Variants in DPP6 observed in about 807,000 individuals in gnomAD.
DPP6 encodes dipeptidyl peptidase like 6.
A neutral mutation model predicts 122.6 loss-of-function variants in DPP6; 69 were observed. The ratio of observed to expected loss-of-function variants is 0.56; its 90% CI spans 0.46 to 0.69. The LOEUF is 0.69. Among genes scored for constraint, DPP6 ranks in the 30% least tolerant of loss-of-function variants. DPP6 has a pLI of 0.00. For missense variants in DPP6, 928 were observed against 1,116.9 expected, an observed-to-expected ratio of 0.83 and a Z score of 2.41; for synonymous variants, 418 against 433.1, an observed-to-expected ratio of 0.97 and a Z score of 0.43.
chr7:154,884,690 CAT>C (rs1348373088), intron 21 of DPP6: 5 of 70,020 alleles, frequency 7.1e-5, no homozygotes, highest in African/African-American at 3.2e-4. Flanking sequence ...CACAAGCACA[CAT>C]GATCACACAG....
At chr7:154,613,277 A>G (rs1279317054) in intron 5 of DPP6, among the ~76,000 whole-genome samples, 1 of 152,154 alleles carries the variant, frequency 6.6e-6, no homozygotes, top group African/African-American at 2.4e-5. Context: ...TGTTTATTGA[A>G]TAACCATAAA....
intron 1 of DPP6, among the ~76,000 whole-genome samples, chr7:154,437,382 T>A (rs976742510): frequency 2.0e-5 from 3 of 152,204 alleles, no homozygotes; most frequent in Non-Finnish European, 4.4e-5. Flanking sequence ...GAGCCCATCC[T>A]CTTTGAGACC....
chr7:154,317,384 A>G (rs1807526237), intron 1 of DPP6, among the ~76,000 whole-genome samples: 1 of 152,196 alleles, frequency 6.6e-6, no homozygotes, highest in Admixed American at 6.5e-5. Flanking sequence ...TTGGACAGAA[A>G]ATAAGATAGA....
intron 1 of DPP6, among the ~76,000 whole-genome samples, chr7:154,194,771 T>C (rs1472180117): frequency 6.6e-6 from 1 of 152,258 alleles, no homozygotes; most frequent in African/African-American, 2.4e-5. Flanking sequence ...CTCTCCTCTG[T>C]CTTCTTTGGT....
intron 8 of DPP6, among the ~76,000 whole-genome samples, chr7:154,761,293 C>G (rs557201355): frequency 6.6e-6 from 1 of 152,346 alleles, no homozygotes; most frequent in African/African-American, 2.4e-5. Flanking sequence ...CTTGCTCACT[C>G]ACGCGTCCAT....
rs371001735 is a variant in DPP6, at chr7:153,972,402, G to A, written c.51+84668G>A. 3.0e-3 allele frequency among the ~76,000 whole-genome samples: 442 copies of A among 149,796 alleles called. 1 individual carries two copies. The highest frequency in any genetic ancestry group is 0.014 in the East Asian group (71 of 5,074). ...CTGTGAAAGCTATGCTTGGGAAACT[G>A]ACGTGAACCTATTTGTGTGAAGCAT... On this transcript the variant is annotated intron_variant, in intron 1 of 25. Coordinates refer to the DPP6 transcript ENST00000404039.
intron 1 of DPP6, among the ~76,000 whole-genome samples, chr7:154,045,955 A>G (rs1800000036): frequency 6.6e-6 from 1 of 152,168 alleles, no homozygotes; most frequent in South Asian, 2.1e-4. Context: ...TGACCATGCC[A>G]TTTTTTCATG....
intron 3 of DPP6, among the ~76,000 whole-genome samples, chr7:154,476,158 G>A (rs1371487437): frequency 6.6e-6 from 1 of 152,144 alleles, no homozygotes; most frequent in Non-Finnish European, 1.5e-5. Context: ...CTCTATTGTG[G>A]CTTCAGTATT....
chr7:154,623,992 G>A (rs1164474639), intron 5 of DPP6, among the ~76,000 whole-genome samples: 3 of 152,132 alleles, frequency 2.0e-5, no homozygotes, highest in African/African-American at 4.8e-5. Flanking sequence ...TGAGGAATTC[G>A]AGACCAGCCT....
intron 21 of DPP6, among the ~76,000 whole-genome samples, chr7:154,883,334 TCACA>T (rs1192902738): frequency 2.0e-4 from 23 of 116,228 alleles, no homozygotes; most frequent in African/African-American, 3.8e-4. Flanking sequence ...ACACATGGTG[TCACA>T]CACACGCTCA....
chr7:153,791,587 A>G, the DPP6 span, among the ~76,000 whole-genome samples: 1 of 151,824 alleles, frequency 6.6e-6, no homozygotes, highest in African/African-American at 2.4e-5. Context: ...ACATCCAGCT[A>G]ATTTTGTATT....
intron 1 of DPP6, among the ~76,000 whole-genome samples, chr7:153,948,464 C>T (rs1802049412): frequency 6.6e-6 from 1 of 151,976 alleles, no homozygotes; most frequent in Non-Finnish European, 1.5e-5. Flanking sequence ...CACACCGGTT[C>T]CCATGGAAGT....
At chr7:154,709,442 A>G (rs1320104341) in intron 7 of DPP6, among the ~76,000 whole-genome samples, 1 of 152,052 alleles carries the variant, frequency 6.6e-6, no homozygotes, top group East Asian at 1.9e-4. Flanking sequence ...CTGGTCTCAA[A>G]CTCCTGGCCT....
intron 1 of DPP6, among the ~76,000 whole-genome samples, chr7:154,155,731 C>T (rs1044378864): frequency 1.3e-5 from 2 of 152,206 alleles, no homozygotes; most frequent in Admixed American, 6.5e-5. Context: ...CAGAATGTGT[C>T]TGATCCCTGA....
rs374981439 is a variant in DPP6, at chr7:154,253,359, T to C, written c.244-192855T>C. Among the ~76,000 whole-genome samples the C allele has an allele frequency of 2.8e-3, 425 of 151,986 alleles. 3 individuals carry two copies. Among genetic ancestry groups the C allele is most frequent in the South Asian group, 0.015 (72 of 4,806 alleles). ...ATGCAGGTGATACAGGTGTGGGGGGTGAGGGGACAGTCTTCCCTACCTGCA... is the reference window on the plus strand; with the variant it reads ...ATGCAGGTGATACAGGTGTGGGGGGCGAGGGGACAGTCTTCCCTACCTGCA... On this transcript the variant is annotated intron_variant, in intron 1 of 25. Transcript: ENST00000377770.
At chr7:154,229,115 C>T (rs938033900) in intron 1 of DPP6, among the ~76,000 whole-genome samples, 1 of 151,912 alleles carries the variant, frequency 6.6e-6, no homozygotes, top group African/African-American at 2.4e-5. Flanking sequence ...CTCATAATAA[C>T]ACATTATAGT....
intron 22 of DPP6, 69 bp from the exon 23 acceptor site, chr7:154,887,607 A>G: frequency 1.3e-6 from 2 of 1,522,644 alleles, no homozygotes; most frequent in South Asian, 2.2e-5. Flanking sequence ...GGCCCTCCCT[A>G]GAGTTTGGGG....
intron 1 of DPP6, among the ~76,000 whole-genome samples, chr7:154,283,128 C>T (rs765054173): frequency 6.6e-6 from 1 of 152,154 alleles, no homozygotes; most frequent in African/African-American, 2.4e-5. Flanking sequence ...GCTTATTACC[C>T]GTGGGCCCCA....
At chr7:154,299,579 G>T (rs1329948522) in intron 1 of DPP6, among the ~76,000 whole-genome samples, 1 of 152,098 alleles carries the variant, frequency 6.6e-6, no homozygotes, top group East Asian at 1.9e-4. Context: ...CAGAAGAATC[G>T]TACCCTGCTG....
Sources: gnomAD v4.1 joint callset for allele counts (sites outside exome capture counted in the v4.1 genomes callset) on GRCh38, gnomAD v4.1.1 for gene constraint, MANE v1.5 for transcripts, NCBI Gene and HGNC (gene_info 2026-07-23, HGNC 2026-07-21) for gene names.